TBC1D26: variants seen among roughly 807,000 people sequenced by gnomAD.
TBC1D26 encodes the protein TBC1 domain family, member 26.
A neutral mutation model predicts 42.5 loss-of-function variants in TBC1D26; 19 were observed. The observed-to-expected ratio is 0.45, with a 90% confidence interval of 0.31 to 0.66. TBC1D26 has a LOEUF of 0.66. TBC1D26 is among the 30% of genes least tolerant of loss of function. The pLI is 0.06. For synonymous variants in TBC1D26, 97 were observed against 123.5 expected (o/e 0.79, Z 1.42); for missense variants, 228 against 332.6 (o/e 0.69, Z 2.45).
chr17:15,738,854 G>C (rs761562138), intron 8 of TBC1D26, 24 bp downstream of exon 8: 2 of 1,609,068 alleles, frequency 1.2e-6, no homozygotes, highest in Non-Finnish European at 8.5e-7. Context: ...GGCTTGCAGG[G>C]GTCCCAGGGA....
intron 9 of TBC1D26, chr17:15,740,484 A>G: frequency 7.8e-7 from 1 of 1,283,758 alleles, no homozygotes. Context: ...ACTTGTCATG[A>G]AATGAGTTTG....
intron 8 of TBC1D26, 90 bp downstream of exon 8, chr17:15,738,920 C>T (rs1194600753): frequency 1.3e-6 from 2 of 1,578,096 alleles, no homozygotes; most frequent in South Asian, 1.1e-5. Flanking sequence ...CAGGGTCACC[C>T]AGGAGAGGTG....
intron 14 of TBC1D26, 78 bp downstream of exon 14, chr17:15,743,594 CCCTCCTA>C: frequency 2.2e-6 from 1 of 461,380 alleles, no homozygotes; most frequent in Non-Finnish European, 2.9e-6. Flanking sequence ...GCCCCGCCAG[CCCTCCTA>C]CCTGGTCTTC....
chr17:15,741,702 C>T (rs1483387024), intron 10 of TBC1D26: 11 of 550,186 alleles, frequency 2.0e-5, no homozygotes, highest in East Asian at 6.1e-5. Flanking sequence ...TCCCCGCTGG[C>T]GCCTGCCTTG....
chr17:15,734,990 A>T lies in TBC1D26; in HGVS notation c.-82A>T. On this transcript the variant is annotated 5_prime_UTR_variant, in exon 2 of 15. Transcript: ENST00000437605. ...ATAGAGACATCCAGTCCCTGACTCC[A>T]CCTGCCTCCAGGTGCCCAGAACAGC... 2.9e-6 allele frequency: 1 copy of T among 340,686 alleles called. No homozygotes were observed. Among genetic ancestry groups the T allele is most frequent in the Non-Finnish European group, 5.4e-6 (1 of 184,970 alleles). 21.1% of individuals were successfully genotyped at this position (340,686 alleles called of 1,614,324 possible).
At chr17:15,742,375 A>G in intron 11 of TBC1D26, 39 bp from the exon 12 acceptor site, 1 of 389,394 alleles carries the variant, frequency 2.6e-6, no homozygotes, top group Middle Eastern at 7.9e-4. Context: ...ATTTCAGGGC[A>G]GCCCAGGGGG....
intron 9 of TBC1D26, 170 bp from the exon 10 acceptor site, chr17:15,740,952 A>T (rs1389337067): frequency 2.4e-6 from 2 of 838,504 alleles, no homozygotes; most frequent in Admixed American, 2.5e-5. Flanking sequence ...TGACCTGCTC[A>T]GTCCTCATGT....
At chr17:15,742,152 G>C in intron 11 of TBC1D26, 116 bp downstream of exon 11, 1 of 813,550 alleles carries the variant, frequency 1.2e-6, no homozygotes, top group Non-Finnish European at 2.0e-6. Context: ...GGCCTGACCT[G>C]GGATGGGGAT....
At chr17:15,736,264 G>A (rs1160639488) in intron 4 of TBC1D26, among the ~76,000 whole-genome samples, 10 of 152,390 alleles carry the variant, frequency 6.6e-5, no homozygotes, top group Non-Finnish European at 5.9e-5. Flanking sequence ...AGGGACCTGG[G>A]CCTGGTAATG....
chr17:15,741,055 T>C, intron 9 of TBC1D26, 67 bp from the exon 10 acceptor site: 1 of 1,594,288 alleles, frequency 6.3e-7, no homozygotes, highest in African/African-American at 1.3e-5. Flanking sequence ...TCTGGTGACA[T>C]AAGTCCTCCC....
chr17:15,736,444 C>G, intron 4 of TBC1D26: 1 of 151,812 alleles, frequency 6.6e-6, no homozygotes, highest in Non-Finnish European at 1.5e-5. Flanking sequence ...ATGGGGTGGG[C>G]AGGGAACAGT....
intron 9 of TBC1D26, chr17:15,740,792 A>G (rs1352863849): frequency 2.3e-6 from 2 of 856,192 alleles, no homozygotes; most frequent in Non-Finnish European, 3.1e-6. Flanking sequence ...TGCAGTTCAC[A>G]GGTGCTGCCC....
chr17:15,740,216 G>C (rs774149208), intron 9 of TBC1D26, 68 bp downstream of exon 9: 219 of 1,613,782 alleles, frequency 1.4e-4, no homozygotes, highest in Non-Finnish European at 1.8e-4. Flanking sequence ...GTGTCTCTTG[G>C]GGGTGTTGCA....
intron 1 of TBC1D26, among the ~76,000 whole-genome samples, chr17:15,732,784 C>T (rs948250659): frequency 3.9e-5 from 6 of 152,152 alleles, no homozygotes; most frequent in African/African-American, 1.2e-4. Flanking sequence ...AGGTGGTGCT[C>T]GGTCCAAGTC....
At position 15,735,344 on chromosome 17, in the gene TBC1D26, G is replaced by A; in HGVS notation, c.-1-4G>A. The A allele has an allele frequency of 3.1e-6, 5 of 1,613,870 alleles. No homozygotes were observed. The South Asian group carries it at 5.5e-5, about 18-fold the overall frequency. On this transcript the variant is annotated splice_region_variant and splice_polypyrimidine_tract_variant and intron_variant, in intron 2 of 14. Transcript: ENST00000437605. ...GAGAGCCTTGGGATGACTTTGTCTT[G>A]CAGGATGGAGATGGATGGGGACCCG...
chr17:15,736,279 C>G (rs1302194598), intron 4 of TBC1D26, among the ~76,000 whole-genome samples: 8 of 152,266 alleles, frequency 5.3e-5, no homozygotes, highest in Non-Finnish European at 1.2e-4. Context: ...GTAATGGGAG[C>G]CCAGCCTGAA....
chr17:15,736,052 G>A (rs1967605663), intron 4 of TBC1D26, among the ~76,000 whole-genome samples: 1 of 151,830 alleles, frequency 6.6e-6, no homozygotes, highest in South Asian at 2.1e-4. Flanking sequence ...GAGGGCACCT[G>A]GCCTGGCCTC....
Position 15,735,334 on chromosome 17 carries a change from A to C in TBC1D26, c.-1-14A>C. 6.2e-7 allele frequency: 1 copy of C among 1,613,640 alleles called. No homozygotes were observed. The stretch of plus-strand genomic sequence containing the variant: ...TTGGGTGCGGGAGAGCCTTGGGATG[A>C]CTTTGTCTTGCAGGATGGAGATGGA... On this transcript the variant is annotated splice_polypyrimidine_tract_variant and intron_variant, in intron 2 of 14. Coordinates refer to ENST00000437605, the MANE Select transcript of TBC1D26 (RefSeq NM_001388465.1).
intron 4 of TBC1D26, among the ~76,000 whole-genome samples, chr17:15,737,266 C>G (rs1283255758): frequency 2.0e-5 from 3 of 152,376 alleles, no homozygotes; most frequent in African/African-American, 7.2e-5. Flanking sequence ...AGTGTCCCCC[C>G]CACCCAGGGC....
Sources: gnomAD v4.1 joint callset for allele counts (sites outside exome capture counted in the v4.1 genomes callset) on GRCh38, gnomAD v4.1.1 for gene constraint, MANE v1.5 for transcripts, NCBI Gene and HGNC (gene_info 2026-07-23, HGNC 2026-07-21) for gene names.